GRIN2B: variants seen among roughly 807,000 people sequenced by gnomAD.
GRIN2B encodes the protein glutamate receptor ionotropic, NMDA 2B.
GRIN2B carries 5 observed loss-of-function variants against 114.5 expected under a neutral mutation model. The ratio of observed to expected loss-of-function variants is 0.04; its 90% CI spans 0.02 to 0.09. The LOEUF is 0.09. Ranked by LOEUF, GRIN2B falls within the 10% of genes least tolerant of loss-of-function variation. The pLI is 1.00. For synonymous variants in GRIN2B, 787 were observed against 745.1 expected, an observed-to-expected ratio of 1.06 and a Z score of -0.92; for missense variants, 1,108 against 1,943.5, an observed-to-expected ratio of 0.57 and a Z score of 8.08.
intron 5 of GRIN2B, among the ~76,000 whole-genome samples, chr12:13,673,140 G>C (rs1778091350): frequency 6.6e-6 from 1 of 152,184 alleles, no homozygotes; most frequent in Non-Finnish European, 1.5e-5. Flanking sequence ...GGACAAGGGA[G>C]TGTGAGATTT....
intron 9 of GRIN2B, among the ~76,000 whole-genome samples, chr12:13,610,498 A>G (rs1013375349): frequency 7.2e-5 from 11 of 152,222 alleles, no homozygotes; most frequent in African/African-American, 2.7e-4. Context: ...GCTGGGATAT[A>G]GGTCATGGCT....
chr12:13,561,767 A>G lies in GRIN2B; in HGVS notation c.*1016T>C, dbSNP rs201987269. 5 of 152,756 alleles carry G rather than the reference A, an allele frequency of 3.3e-5. No homozygotes were observed. The highest frequency in any genetic ancestry group is 3.4e-3 in the Middle Eastern group (1 of 294). 9.5% of individuals were successfully genotyped at this position (152,756 alleles called of 1,614,324 possible). A position where few individuals can be genotyped will look rare whatever the true frequency, so the allele number is the denominator to read the frequency against. On this transcript the variant is annotated 3_prime_UTR_variant, in exon 14 of 14. Coordinates refer to ENST00000609686, the MANE Select transcript of GRIN2B (RefSeq NM_000834.5). The stretch of plus-strand genomic sequence containing the variant: ...TTCAAACTGGTTGAAACAATTGCCA[A>G]CCACTGAGGACTTGTTTATGTACCT...
intron 4 of GRIN2B, among the ~76,000 whole-genome samples, chr12:13,716,676 C>T (rs989017243): frequency 1.3e-5 from 2 of 151,922 alleles, no homozygotes; most frequent in Non-Finnish European, 2.9e-5. Flanking sequence ...TCCCACATTT[C>T]CAGTTGAAGG....
chr12:13,937,221 T>C (rs1867145484), intron 2 of GRIN2B, among the ~76,000 whole-genome samples: 1 of 151,448 alleles, frequency 6.6e-6, no homozygotes, highest in Non-Finnish European at 1.5e-5. Context: ...TTAAATGAGA[T>C]TGAAGCAGAA....
At chr12:13,619,960 C>A (rs879688597) in intron 5 of GRIN2B, among the ~76,000 whole-genome samples, 1 of 152,168 alleles carries the variant, frequency 6.6e-6, no homozygotes, top group South Asian at 2.1e-4. Context: ...AGACACTATC[C>A]ATCGACAATA....
chr12:13,868,144 C>T (rs543617886), intron 2 of GRIN2B, among the ~76,000 whole-genome samples: 21 of 152,190 alleles, frequency 1.4e-4, no homozygotes, highest in Admixed American at 4.6e-4. Context: ...TTCAACACTG[C>T]CAAGAAGGAG....
chr12:13,788,916 G>A (rs1242439484), intron 3 of GRIN2B, among the ~76,000 whole-genome samples: 1 of 152,144 alleles, frequency 6.6e-6, no homozygotes, highest in South Asian at 2.1e-4. Flanking sequence ...CAAGCAAGTG[G>A]AACATGAAAC....
In GRIN2B at chr12:13,554,056, C is replaced by T. The variant is rs1948449065; in HGVS notation, c.*8727G>A. 6.6e-6 allele frequency: 1 copy of T among 152,106 alleles called. No homozygotes were observed. The highest frequency in any genetic ancestry group is 1.5e-5 in the Non-Finnish European group (1 of 68,014). The allele number at this position is 152,106 out of a possible 1,614,324, so 9.4% of individuals were successfully genotyped here. The stretch of plus-strand genomic sequence containing the variant: ...GGGGATTCATCCTTAGGTGCTACTG[C>T]AGATACAAATGGGCAAAATAAAGTG... On this transcript the variant is annotated 3_prime_UTR_variant, in exon 14 of 14. Coordinates refer to ENST00000609686, the MANE Select transcript of GRIN2B (RefSeq NM_000834.5).
rs1948480329 is a variant in GRIN2B at position 13,556,450 on chromosome 12, ATAGACGTTGGTTTAAT to A, written c.*6317_*6332del. On this transcript the variant is annotated 3_prime_UTR_variant, in exon 14 of 14. Coordinates refer to ENST00000609686, the MANE Select transcript of GRIN2B (RefSeq NM_000834.5). Reference sequence around the variant, plus strand: ...AGCCTAGGGACATAGTACGTGCACAATAGACGTTGGTTTAATTAAACTCACATATTTAACCAGAGAG... The same window carrying A: ...AGCCTAGGGACATAGTACGTGCACAATAAACTCACATATTTAACCAGAGAG... The A allele has an allele frequency of 6.6e-6, 1 of 152,264 alleles. No homozygotes were observed. The highest frequency in any genetic ancestry group is 6.5e-5 in the Admixed American group (1 of 15,288). The allele number at this position is 152,264 out of a possible 1,614,324, so 9.4% of individuals were successfully genotyped here. A position where few individuals can be genotyped will look rare whatever the true frequency, so the allele number is the denominator to read the frequency against.
chr12:13,978,386 C>G, intron 2 of GRIN2B, among the ~76,000 whole-genome samples: 1 of 152,130 alleles, frequency 6.6e-6, no homozygotes, highest in East Asian at 1.9e-4. Context: ...TCTGATTACA[C>G]CATGGTTACA....
At chr12:13,917,674 C>G (rs1276047087) in intron 2 of GRIN2B, among the ~76,000 whole-genome samples, 3 of 152,090 alleles carry the variant, frequency 2.0e-5, no homozygotes, top group Admixed American at 6.5e-5. Context: ...ACACTTACCC[C>G]AAAGTACAGA....
chr12:13,582,749 T>G (rs556387702), intron 10 of GRIN2B, among the ~76,000 whole-genome samples: 1 of 151,216 alleles, frequency 6.6e-6, no homozygotes, highest in South Asian at 2.1e-4. Context: ...AGGGTGGGGG[T>G]GGTGAGGACT....
At chr12:13,667,190 A>G (rs868641332) in intron 5 of GRIN2B, among the ~76,000 whole-genome samples, 104 of 152,188 alleles carry the variant, frequency 6.8e-4, no homozygotes, top group African/African-American at 2.1e-3. Context: ...CATGGAACAC[A>G]TGGACAACCC....
intron 3 of GRIN2B, among the ~76,000 whole-genome samples, chr12:13,829,722 T>C (rs1210859208): frequency 1.3e-5 from 2 of 152,238 alleles, no homozygotes; most frequent in African/African-American, 4.8e-5. Context: ...TCCACCTGTT[T>C]AGGTTCAGAA....
At position 13,542,877 on chromosome 12, in the gene GRIN2B, C is replaced by T. The variant is rs1177669970; in HGVS notation, c.*19906G>A. ...CCCAGGTGGTGAGCATTTCCACTTG[C>T]ACCTTCCTCATGCCCTGGGGCCTGG... On this transcript the variant is annotated 3_prime_UTR_variant, in exon 14 of 14. Coordinates refer to ENST00000609686, the MANE Select transcript of GRIN2B (RefSeq NM_000834.5). 5 of 152,234 alleles carry T rather than the reference C, an allele frequency of 3.3e-5. No individual in the cohort carries two copies. Among genetic ancestry groups the T allele is most frequent in the Admixed American group, 2.0e-4 (3 of 15,286 alleles). 9.4% of individuals were successfully genotyped at this position (152,234 alleles called of 1,614,324 possible). A position where few individuals can be genotyped will look rare whatever the true frequency, so the allele number is the denominator to read the frequency against.
chr12:13,585,312 G>GT (rs1948904327), intron 10 of GRIN2B, among the ~76,000 whole-genome samples: 1 of 152,168 alleles, frequency 6.6e-6, no homozygotes, highest in Non-Finnish European at 1.5e-5. Context: ...CCAGTGACAG[G>GT]CAAGGCAGGG....
chr12:13,927,657 T>G (rs1866941695), intron 2 of GRIN2B, among the ~76,000 whole-genome samples: 1 of 151,900 alleles, frequency 6.6e-6, no homozygotes, highest in South Asian at 2.1e-4. Flanking sequence ...TTATATTAGC[T>G]AACAGAGAGG....
At chr12:13,817,503 GATAAA>G (rs1864848910) in intron 3 of GRIN2B, among the ~76,000 whole-genome samples, 1 of 152,068 alleles carries the variant, frequency 6.6e-6, no homozygotes, top group Non-Finnish European at 1.5e-5. Context: ...TTCTCCACCT[GATAAA>G]ATAAACTTGG....
intron 2 of GRIN2B, among the ~76,000 whole-genome samples, chr12:13,901,291 G>A (rs1172558872): frequency 6.6e-6 from 1 of 151,846 alleles, no homozygotes; most frequent in Non-Finnish European, 1.5e-5. Context: ...TTCTGGGAAA[G>A]GCCTATTTGT....
Sources: gnomAD v4.1 joint callset for allele counts (sites outside exome capture counted in the v4.1 genomes callset) on GRCh38, gnomAD v4.1.1 for gene constraint, MANE v1.5 for transcripts, NCBI Gene and HGNC (gene_info 2026-07-23, HGNC 2026-07-21) for gene names.